Variants in DMXL2 observed in about 807,000 individuals in gnomAD.
DMXL2 encodes the protein Dmx like 2.
Under a neutral mutation model 331.1 loss-of-function variants are expected in DMXL2, and 103 were observed. That is an observed-to-expected ratio of 0.31 (90% CI 0.27 to 0.37). The LOEUF is 0.37. Among genes scored for constraint, DMXL2 ranks in the 10% least tolerant of loss-of-function variants. The probability of loss-of-function intolerance (pLI) is 1.00; values close to 1 mark genes in which losing one functional copy is unlikely to be tolerated. For synonymous variants in DMXL2, 1,281 were observed against 1,252.1 expected (o/e 1.02, Z -0.49); for missense variants, 3,171 against 3,642.9 (o/e 0.87, Z 3.33).
chr15:51,542,603 C>G (rs2048662245), intron 8 of DMXL2, 96 bp from the exon 9 acceptor site: 1 of 949,018 alleles, frequency 1.1e-6, no homozygotes, highest in Admixed American at 2.8e-5. Flanking sequence ...AGATTTTTTT[C>G]TCCATAAAAA....
chr15:51,515,733 T>G (rs1031497741), intron 14 of DMXL2, among the ~76,000 whole-genome samples: 2 of 152,230 alleles, frequency 1.3e-5, no homozygotes, highest in South Asian at 4.1e-4. Context: ...TGAGCAAATA[T>G]GAAGTAAAAA....
intron 9 of DMXL2, among the ~76,000 whole-genome samples, chr15:51,541,969 A>C: frequency 6.6e-6 from 1 of 152,200 alleles, no homozygotes; most frequent in East Asian, 1.9e-4. Context: ...ATATATTTAG[A>C]GGAGGTTATA....
chr15:51,474,287 T>G, intron 28 of DMXL2, 57 bp downstream of exon 28: 1 of 1,500,462 alleles, frequency 6.7e-7, no homozygotes, highest in Non-Finnish European at 8.9e-7. Context: ...TAAAAAAAAT[T>G]TTAACATTCA....
chr15:51,494,736 T>C (rs2043051493), intron 19 of DMXL2, among the ~76,000 whole-genome samples: 1 of 152,174 alleles, frequency 6.6e-6, no homozygotes, highest in African/African-American at 2.4e-5. Context: ...GGCTACTCTG[T>C]AGACAGCCAC....
intron 40 of DMXL2, among the ~76,000 whole-genome samples, chr15:51,454,793 C>G (rs1442477141): frequency 6.6e-6 from 1 of 152,040 alleles, no homozygotes; most frequent in Admixed American, 6.5e-5. Flanking sequence ...CCGTGCCCGG[C>G]AGAACCTGAT....
chr15:51,543,540 A>T (rs962935120), intron 8 of DMXL2, among the ~76,000 whole-genome samples: 1 of 152,160 alleles, frequency 6.6e-6, no homozygotes, highest in East Asian at 1.9e-4. Flanking sequence ...TTTTCACTGG[A>T]TCTTTGACAT....
In DMXL2 at chr15:51,535,749, C is replaced by A. The variant is rs1208868128; in HGVS notation, c.2350G>T (p.Ala784Ser). 1.2e-6 allele frequency: 2 copies of A among 1,609,512 alleles called. No individual in the cohort carries two copies. Among genetic ancestry groups the A allele is most frequent in the Admixed American group, 3.4e-5 (2 of 59,516 alleles). ...AGTCTCAGATTTTTGCCATCAGAAG[C>A]AACAAAGCAAGCACTTGCAGAATTG... ...YCNSASACFVASDGKNLRLYQ... is the reference protein window; with the variant it reads ...YCNSASACFVSSDGKNLRLYQ... The change falls in exon 13 of 44, where the codon GCT becomes TCT. Residue 784 changes from alanine to serine, a missense_variant. Physicochemically the swap from Ala to Ser is moderately conservative, Grantham distance 99. Coordinates refer to ENST00000560891, the MANE Select transcript of DMXL2 (RefSeq NM_001378457.1).
rs1725833196 is a variant in DMXL2, at chr15:51,461,739, G to A, written c.7926+1640C>T. 2.0e-5 allele frequency among the ~76,000 whole-genome samples: 3 copies of A among 152,150 alleles called. No individual in the cohort carries two copies. In the South Asian group the frequency reaches 6.2e-4, roughly 32 times the overall value. ...ATAATTGTTTTGTATCTTTTGTAGA[G>A]ACGGGGTTTCACCATGTTGCCAAGC... is the stretch of plus-strand genomic sequence containing the variant. On this transcript the variant is annotated intron_variant, in intron 33 of 43. Coordinates refer to ENST00000560891, the MANE Select transcript of DMXL2 (RefSeq NM_001378457.1).
intron 43 of DMXL2, among the ~76,000 whole-genome samples, chr15:51,449,811 G>A (rs1157114280): frequency 1.3e-5 from 2 of 152,122 alleles, no homozygotes; most frequent in Non-Finnish European, 2.9e-5. Flanking sequence ...CTGAGGGAGA[G>A]GGGAGAAGCT....
intron 6 of DMXL2, among the ~76,000 whole-genome samples, chr15:51,554,974 A>G (rs1386232376): frequency 1.3e-5 from 2 of 152,206 alleles, no homozygotes; most frequent in Admixed American, 6.5e-5. Context: ...CCTGGCCATC[A>G]TGACGAAACT....
chr15:51,580,580 A>G (rs2051340863), intron 1 of DMXL2, among the ~76,000 whole-genome samples: 1 of 152,322 alleles, frequency 6.6e-6, no homozygotes, highest in South Asian at 2.1e-4. Flanking sequence ...ACTGACCTAT[A>G]AAACACTTTA....
chr15:51,515,478 T>C (rs1343699104), intron 14 of DMXL2, among the ~76,000 whole-genome samples: 1 of 152,164 alleles, frequency 6.6e-6, no homozygotes, highest in African/African-American at 2.4e-5. Flanking sequence ...AGTTATAGGG[T>C]ATTTTGTGTT....
chr15:51,602,176 AT>A (rs1179758199), intron 1 of DMXL2, among the ~76,000 whole-genome samples: 1 of 152,154 alleles, frequency 6.6e-6, no homozygotes, highest in Non-Finnish European at 1.5e-5. Flanking sequence ...AGAGTTTCCC[AT>A]TTTACTGAAC....
Position 51,481,285 on chromosome 15 carries a change from G to T in DMXL2, c.5821C>A (p.Leu1941Met), listed in dbSNP as rs1403833284. The change falls in exon 24 of 44, where the codon CTG becomes ATG. Residue 1941 changes from leucine to methionine, a missense_variant. Physicochemically the swap from Leu to Met is conservative, Grantham distance 15 (BLOSUM62 2). Coordinates refer to ENST00000560891, the MANE Select transcript of DMXL2 (RefSeq NM_001378457.1). ...MDDVPSHSKA[L>M]SDGNGSSGIE... Reference sequence around the variant, plus strand: ...CCAGAACTTCCATTGCCATCACTCAGAGCTTTTGAATGTGAAGGTACATCA... The same window carrying T: ...CCAGAACTTCCATTGCCATCACTCATAGCTTTTGAATGTGAAGGTACATCA... 6.2e-7 allele frequency: 1 copy of T among 1,614,062 alleles called. No individual in the cohort carries two copies. The highest frequency in any genetic ancestry group is 1.7e-5 in the Admixed American group (1 of 60,012).
At chr15:51,579,943 G>T (rs1179196940) in intron 1 of DMXL2, among the ~76,000 whole-genome samples, 1 of 152,186 alleles carries the variant, frequency 6.6e-6, no homozygotes, top group South Asian at 2.1e-4. Flanking sequence ...GGCCCAGAAA[G>T]GGTAAGTAAT....
At chr15:51,611,037 C>T (rs879494835) in intron 1 of DMXL2, among the ~76,000 whole-genome samples, 1 of 151,098 alleles carries the variant, frequency 6.6e-6, no homozygotes, top group Non-Finnish European at 1.5e-5. Flanking sequence ...GGGAGAAAGA[C>T]AAAAATGAGC....
At chr15:51,579,887 A>G (rs1769356446) in intron 1 of DMXL2, among the ~76,000 whole-genome samples, 2 of 152,182 alleles carry the variant, frequency 1.3e-5, no homozygotes, top group Admixed American at 6.5e-5. Context: ...CTTTACAAAA[A>G]TTATCATTAT....
At chr15:51,583,055 T>C (rs894831226) in intron 1 of DMXL2, among the ~76,000 whole-genome samples, 3 of 151,256 alleles carry the variant, frequency 2.0e-5, no homozygotes, top group Admixed American at 6.6e-5. Flanking sequence ...TAGTTAACAA[T>C]GTATCTTGAA....
chr15:51,545,860 G>T, intron 7 of DMXL2, 94 bp from the exon 8 acceptor site: 3 of 979,090 alleles, frequency 3.1e-6, no homozygotes, highest in African/African-American at 1.6e-5. Flanking sequence ...GATAACATTA[G>T]TGCAAAACAC....
Sources: allele counts gnomAD v4.1 joint callset (sites outside exome capture counted in the v4.1 genomes callset), GRCh38; gene constraint gnomAD v4.1.1; transcripts MANE v1.5; gene names NCBI Gene and HGNC (gene_info 2026-07-23, HGNC 2026-07-21).